TRERF1: variants seen among roughly 807,000 people sequenced by gnomAD.
The protein encoded by TRERF1 is transcriptional-regulating factor 1.
A neutral mutation model predicts 122.9 loss-of-function variants in TRERF1; 27 were observed. That is an observed-to-expected ratio of 0.22 (90% CI 0.16 to 0.30). The LOEUF (loss-of-function observed/expected upper bound fraction) is 0.30, where lower values mean the gene tolerates loss of function less well. Ranked by LOEUF, TRERF1 falls within the 10% of genes least tolerant of loss-of-function variation. TRERF1 has a pLI of 1.00. For synonymous variants in TRERF1, 636 were observed against 641.7 expected, an observed-to-expected ratio of 0.99 and a Z score of 0.13; for missense variants, 1,248 against 1,560.3, an observed-to-expected ratio of 0.80 and a Z score of 3.37.
chr6:42,354,373 G>T (rs1770097463), intron 3 of TRERF1, among the ~76,000 whole-genome samples: 1 of 141,862 alleles, frequency 7.0e-6, no homozygotes, highest in Non-Finnish European at 1.5e-5. Context: ...TCTTTCCCCA[G>T]TCTGTTGTTT....
At chr6:42,235,761 A>C (rs897106102) in intron 16 of TRERF1, among the ~76,000 whole-genome samples, 2 of 152,202 alleles carry the variant, frequency 1.3e-5, no homozygotes, top group African/African-American at 2.4e-5. Flanking sequence ...AAACCTTCTA[A>C]ATAGGTAAAA....
chr6:42,326,313 T>G (rs1764294621), intron 3 of TRERF1, among the ~76,000 whole-genome samples: 1 of 152,168 alleles, frequency 6.6e-6, no homozygotes, highest in African/African-American at 2.4e-5. Flanking sequence ...AATCAGTAGG[T>G]TCCAAAGCCT....
At chr6:42,308,421 G>A (rs1056734934) in intron 3 of TRERF1, among the ~76,000 whole-genome samples, 4 of 152,222 alleles carry the variant, frequency 2.6e-5, no homozygotes, top group African/African-American at 9.6e-5. Flanking sequence ...AATAGGCCAA[G>A]GCATGGAAGC....
chr6:42,315,730 C>A (rs964883375), intron 3 of TRERF1, among the ~76,000 whole-genome samples: 1 of 151,144 alleles, frequency 6.6e-6, no homozygotes, highest in Non-Finnish European at 1.5e-5. Flanking sequence ...CCACTGCCAC[C>A]CCCTAACGTC....
chr6:42,310,724 G>C (rs1788093262), intron 3 of TRERF1, among the ~76,000 whole-genome samples: 1 of 152,182 alleles, frequency 6.6e-6, no homozygotes, highest in African/African-American at 2.4e-5. Context: ...AGGAGGCTAA[G>C]GAGGCCAAAG....
intron 2 of TRERF1, among the ~76,000 whole-genome samples, chr6:42,381,128 A>G (rs765463053): frequency 5.9e-5 from 9 of 152,014 alleles, no homozygotes; most frequent in Non-Finnish European, 1.3e-4. Context: ...ACCTCCTTCT[A>G]TGCCTTTCCC....
intron 3 of TRERF1, among the ~76,000 whole-genome samples, chr6:42,336,788 C>T (rs1766274485): frequency 6.6e-6 from 1 of 152,204 alleles, no homozygotes; most frequent in Non-Finnish European, 1.5e-5. Context: ...CTGCCACTAA[C>T]ACATCAGGGA....
chr6:42,338,200 G>A (rs1027362468), intron 3 of TRERF1, among the ~76,000 whole-genome samples: 9 of 152,186 alleles, frequency 5.9e-5, no homozygotes, highest in African/African-American at 1.2e-4. Flanking sequence ...CACTAGCCAC[G>A]TGTCAGAGCT....
chr6:42,249,778 A>G (rs1775438213), intron 13 of TRERF1, among the ~76,000 whole-genome samples: 1 of 152,208 alleles, frequency 6.6e-6, no homozygotes, highest in African/African-American at 2.4e-5. Context: ...GCTTTGGTGC[A>G]AATGATAGTG....
Position 42,259,632 on chromosome 6 carries a change from T to G in TRERF1, c.1976A>C (p.Glu659Ala). ...GGGCGGCGGCGGGATGAAGAGAGGT[T>G]CCGGCCGGTGCCGGAACTTTTTCTT... Residue 659 changes from glutamate to alanine, a missense_variant, in exon 9 of 18, where the codon GAA becomes GCA. By Grantham distance (107) the Glu-to-Ala change is moderately radical (BLOSUM62 -1). Transcript: ENST00000372922. The surrounding 1 kb of genome is among the most constrained non-coding windows in gnomAD (Gnocchi z 4.9). 1 of 1,613,234 alleles carries G rather than the reference T, an allele frequency of 6.2e-7. No homozygotes were observed. Among genetic ancestry groups the G allele is most frequent in the Non-Finnish European group, 8.5e-7 (1 of 1,179,930 alleles).
At chr6:42,387,600 C>T (rs1410186739) in intron 2 of TRERF1, among the ~76,000 whole-genome samples, 3 of 152,230 alleles carry the variant, frequency 2.0e-5, no homozygotes, top group African/African-American at 4.8e-5. Flanking sequence ...CAAATGCACT[C>T]GCTCTGTTCA....
chr6:42,310,961 T>C (rs1051462462), intron 3 of TRERF1, among the ~76,000 whole-genome samples: 1 of 152,232 alleles, frequency 6.6e-6, no homozygotes, highest in Non-Finnish European at 1.5e-5. Flanking sequence ...GAATGTGTGA[T>C]AAATTCTGCA....
rs61207786 is a variant in TRERF1 at position 42,349,335 on chromosome 6, A to G, written c.-371+13662T>C. 8.0e-3 allele frequency among the ~76,000 whole-genome samples: 1,213 copies of G among 151,992 alleles called. 19 individuals are homozygous for G. Among genetic ancestry groups the G allele is most frequent in the African/African-American group, 0.027 (1,125 of 41,416 alleles). ...GGCATCTCAGCTGAGCCCTGGGTAA[A>G]GCCTCACCTGAGGCCGGAATCTACC... On this transcript the variant is annotated intron_variant, in intron 3 of 17. Coordinates refer to ENST00000372922, the Ensembl canonical transcript of TRERF1.
At chr6:42,270,153 T>C (rs1209022531) in intron 4 of TRERF1, among the ~76,000 whole-genome samples, 1 of 152,216 alleles carries the variant, frequency 6.6e-6, no homozygotes, top group Non-Finnish European at 1.5e-5. Flanking sequence ...ACCACTGCAC[T>C]GCAGCCTAGG....
chr6:42,239,703 G>A (rs1201522013), intron 15 of TRERF1, among the ~76,000 whole-genome samples: 1 of 151,888 alleles, frequency 6.6e-6, no homozygotes, highest in African/African-American at 2.4e-5. Flanking sequence ...TCTTAGGACT[G>A]TGCCTTGCAC....
intron 13 of TRERF1, among the ~76,000 whole-genome samples, chr6:42,247,603 T>TGCTG (rs1470159953): frequency 1.3e-5 from 2 of 152,240 alleles, no homozygotes; most frequent in Admixed American, 6.5e-5. Flanking sequence ...GAGGCTTCAC[T>TGCTG]GCTGGGCTGG....
chr6:42,406,960 T>C (rs1780270440), intron 2 of TRERF1, among the ~76,000 whole-genome samples: 1 of 152,196 alleles, frequency 6.6e-6, no homozygotes, highest in Non-Finnish European at 1.5e-5. Flanking sequence ...TCTTAGGTCA[T>C]TCTCACAACA....
intron 3 of TRERF1, among the ~76,000 whole-genome samples, chr6:42,325,413 C>A (rs1232874489): frequency 6.6e-6 from 1 of 151,886 alleles, no homozygotes; most frequent in Non-Finnish European, 1.5e-5. Context: ...GGATATATAC[C>A]CAAAAGAAAA....
At chr6:42,225,433 C>G (rs996240452) in exon 18 of TRERF1, 2 of 151,980 alleles carry the variant, frequency 1.3e-5, no homozygotes, top group African/African-American at 4.8e-5. Flanking sequence ...ATACGGTCCT[C>G]TTGTTGCCAA....
Sources: gnomAD v4.1 joint callset for allele counts (sites outside exome capture counted in the v4.1 genomes callset) on GRCh38, gnomAD v4.1.1 for gene constraint, Gnocchi (gnomAD v3.1) non-coding constraint, MANE v1.5 for transcripts, NCBI Gene and HGNC (gene_info 2026-07-23, HGNC 2026-07-21) for gene names.